OPCML: variants seen among roughly 807,000 people sequenced by gnomAD.
OPCML encodes the protein opioid binding protein/cell adhesion molecule like.
In OPCML, 13 loss-of-function variants were observed where a neutral mutation model predicts 37.8. That is an observed-to-expected ratio of 0.34 (90% confidence interval 0.22 to 0.55). The LOEUF is 0.55. Among genes scored for constraint, OPCML ranks in the 20% least tolerant of loss-of-function variants. The pLI is 0.91. For synonymous variants in OPCML, 176 were observed against 168.8 expected, an observed-to-expected ratio of 1.04 and a Z score of -0.33; for missense variants, 341 against 435.6, an observed-to-expected ratio of 0.78 and a Z score of 1.93.
chr11:132,501,346 A>G (rs1248079319), intron 4 of OPCML, among the ~76,000 whole-genome samples: 1 of 152,240 alleles, frequency 6.6e-6, no homozygotes, highest in African/African-American at 2.4e-5. Flanking sequence ...CTAGAACACC[A>G]AAAGCAATTG....
At chr11:132,973,784 C>T (rs1261639334) in intron 1 of OPCML, among the ~76,000 whole-genome samples, 1 of 152,210 alleles carries the variant, frequency 6.6e-6, no homozygotes, top group Non-Finnish European at 1.5e-5. Flanking sequence ...TCTTCTCATT[C>T]CCCTGAGTCC....
intron 1 of OPCML, among the ~76,000 whole-genome samples, chr11:133,054,420 C>T (rs1326313778): frequency 6.6e-6 from 1 of 152,190 alleles, no homozygotes; most frequent in Non-Finnish European, 1.5e-5. Flanking sequence ...ACTCAGTGTG[C>T]ACCAGGAGTC....
chr11:132,907,894 C>G (rs1301376582), intron 2 of OPCML, among the ~76,000 whole-genome samples: 1 of 152,076 alleles, frequency 6.6e-6, no homozygotes, highest in East Asian at 1.9e-4. Context: ...GTTTAATGTG[C>G]CTTAGTTATC....
intron 1 of OPCML, chr11:133,026,397 G>T (rs1367662669): frequency 3.0e-6 from 3 of 985,294 alleles, no homozygotes; most frequent in African/African-American, 1.7e-5. Flanking sequence ...TGAGCACCTT[G>T]CCTGCCTCTT....
At chr11:132,601,777 G>C (rs1055711005) in intron 3 of OPCML, among the ~76,000 whole-genome samples, 1 of 152,084 alleles carries the variant, frequency 6.6e-6, no homozygotes, top group African/African-American at 2.4e-5. Flanking sequence ...TATTTTAAAA[G>C]TTTCTTTATA....
At chr11:132,594,933 C>A (rs959006328) in intron 3 of OPCML, among the ~76,000 whole-genome samples, 7 of 152,316 alleles carry the variant, frequency 4.6e-5, no homozygotes, top group African/African-American at 1.7e-4. Context: ...ACCCCGAGTT[C>A]AAGGCAGATA....
intron 1 of OPCML, chr11:133,024,688 G>A (rs1030700238): frequency 3.6e-6 from 3 of 834,038 alleles, no homozygotes; most frequent in African/African-American, 3.7e-5. Context: ...TATGAAAGTG[G>A]TGGGGGATGG....
At chr11:132,456,783 T>A (rs553287131) in intron 4 of OPCML, among the ~76,000 whole-genome samples, 8 of 152,268 alleles carry the variant, frequency 5.3e-5, no homozygotes, top group Non-Finnish European at 1.0e-4. Flanking sequence ...TTGTTCAACA[T>A]AGTCCAATTG....
intron 2 of OPCML, among the ~76,000 whole-genome samples, chr11:132,912,493 T>C (rs1944459601): frequency 6.6e-6 from 1 of 152,206 alleles, no homozygotes; most frequent in Non-Finnish European, 1.5e-5. Context: ...AAAAAGCATA[T>C]TTTTTATGAA....
rs563768631 is a variant in OPCML at position 132,429,786 on chromosome 11, A to T, written c.916+6300T>A. On this transcript the variant is annotated intron_variant, in intron 7 of 7. Coordinates refer to ENST00000524381, the MANE Select transcript of OPCML (RefSeq NM_001012393.5). ...TAAATGATTCTGGGGCAAGGCTCAC[A>T]TATCTGCATTTTTAAAGCATCCGGA... is the stretch of plus-strand genomic sequence containing the variant. Among the ~76,000 whole-genome samples the T allele has an allele frequency of 2.6e-5, 4 of 152,312 alleles. No individual in the cohort carries two copies. In the East Asian group the frequency reaches 5.8e-4, roughly 22 times the overall value.
chr11:132,468,366 A>G (rs2096125948), intron 4 of OPCML, among the ~76,000 whole-genome samples: 1 of 152,150 alleles, frequency 6.6e-6, no homozygotes, highest in Non-Finnish European at 1.5e-5. Flanking sequence ...TGGAAATTCA[A>G]TCCTGAACAA....
intron 2 of OPCML, among the ~76,000 whole-genome samples, chr11:132,802,317 G>C (rs1294774564): frequency 6.6e-6 from 1 of 152,072 alleles, no homozygotes; most frequent in African/African-American, 2.4e-5. Flanking sequence ...GCATTTCCGT[G>C]GCTTCTTATT....
chr11:133,042,111 C>T (rs1289351698), intron 1 of OPCML, among the ~76,000 whole-genome samples: 2 of 152,280 alleles, frequency 1.3e-5, no homozygotes, highest in East Asian at 3.9e-4. Flanking sequence ...CCCACAGTCA[C>T]ATGTGACACG....
intron 3 of OPCML, among the ~76,000 whole-genome samples, chr11:132,536,349 T>C (rs2096340822): frequency 6.6e-6 from 1 of 152,244 alleles, no homozygotes; most frequent in African/African-American, 2.4e-5. Flanking sequence ...GGCTAAGGTT[T>C]GAACACAATT....
At chr11:132,872,635 G>A (rs996560794) in intron 2 of OPCML, among the ~76,000 whole-genome samples, 5 of 152,150 alleles carry the variant, frequency 3.3e-5, no homozygotes, top group African/African-American at 1.2e-4. Context: ...TAAACAACTC[G>A]CCTAAGTCCT....
At chr11:132,734,870 G>A (rs1490859838) in intron 2 of OPCML, among the ~76,000 whole-genome samples, 1 of 152,158 alleles carries the variant, frequency 6.6e-6, no homozygotes, top group East Asian at 1.9e-4. Context: ...TCTTGAGAAG[G>A]TAATGAGTGA....
At chr11:132,876,420 A>G (rs1263222458) in intron 2 of OPCML, among the ~76,000 whole-genome samples, 2 of 152,200 alleles carry the variant, frequency 1.3e-5, no homozygotes, top group Non-Finnish European at 2.9e-5. Flanking sequence ...CCCAGGAAAC[A>G]TCATTACTCA....
At chr11:132,845,495 C>A in intron 2 of OPCML, among the ~76,000 whole-genome samples, 1 of 152,180 alleles carries the variant, frequency 6.6e-6, no homozygotes, top group South Asian at 2.1e-4. Flanking sequence ...CTGATAGTGT[C>A]ACTACACTGA....
At chr11:132,524,766 G>A (rs531088331) in intron 4 of OPCML, among the ~76,000 whole-genome samples, 9 of 152,148 alleles carry the variant, frequency 5.9e-5, no homozygotes, top group African/African-American at 1.2e-4. Context: ...AGCAGCTTAC[G>A]CAGTCTACAG....
Sources: gnomAD v4.1 joint callset for allele counts (sites outside exome capture counted in the v4.1 genomes callset) on GRCh38, gnomAD v4.1.1 for gene constraint, MANE v1.5 for transcripts, NCBI Gene and HGNC (gene_info 2026-07-23, HGNC 2026-07-21) for gene names.